The following ACOD1 variants were observed in gnomAD, a reference collection of about 807,000 sequenced individuals.
The protein encoded by ACOD1 is cis-aconitate decarboxylase.
A neutral mutation model predicts 14.2 loss-of-function variants in ACOD1; 14 were observed. The observed-to-expected ratio is 0.99, with a 90% CI of 0.65 to 1.54. The LOEUF (loss-of-function observed/expected upper bound fraction) is 1.54, where lower values mean the gene tolerates loss of function less well. ACOD1 is among the 40% of genes most tolerant of loss of function. The pLI, the probability that ACOD1 is intolerant of heterozygous loss-of-function variation, is 0.00. For synonymous variants in ACOD1, 182 were observed against 221.7 expected, an observed-to-expected ratio of 0.82 and a Z score of 1.59; for missense variants, 530 against 586.3, an observed-to-expected ratio of 0.90 and a Z score of 0.99.
At chr13:76,949,127 C>A (rs753301750) in intron 1 of ACOD1, among the ~76,000 whole-genome samples, 4 of 151,914 alleles carry the variant, frequency 2.6e-5, no homozygotes, top group Admixed American at 6.6e-5. Context: ...ATTAGCTGGG[C>A]GTGGTGGCAG....
chr13:76,953,772 T>C, intron 3 of ACOD1, 83 bp downstream of exon 3: 1 of 875,386 alleles, frequency 1.1e-6, no homozygotes, highest in East Asian at 2.7e-5. Context: ...ATTGCCCAAA[T>C]TCTATATTTT....
chr13:76,949,000 T>G (rs1187200745), intron 1 of ACOD1, among the ~76,000 whole-genome samples: 1 of 152,186 alleles, frequency 6.6e-6, no homozygotes, highest in Admixed American at 6.5e-5. Context: ...GCACAGTGGC[T>G]CAGGCCTGTA....
chr13:76,954,731 C>T (rs1041273562), intron 3 of ACOD1, among the ~76,000 whole-genome samples: 2 of 152,106 alleles, frequency 1.3e-5, no homozygotes, highest in African/African-American at 4.8e-5. Flanking sequence ...GCTCAGGCCA[C>T]CAGGGCAAGA....
At position 76,957,892 on chromosome 13, in the gene ACOD1, T is replaced by G; in HGVS notation, c.1353T>G (p.Cys451Trp). 1 of 1,550,924 alleles carries G rather than the reference T, an allele frequency of 6.4e-7. No individual in the cohort carries two copies. Among genetic ancestry groups the G allele is most frequent in the East Asian group, 2.4e-5 (1 of 40,922 alleles). ...IVKNLEDLED[C>W]SVLTTLLKGP... ...AAAATCTAGAAGACCTAGAAGACTGTTCTGTGTTAACTACACTTCTCAAAG... is the reference window on the plus strand; with the variant it reads ...AAAATCTAGAAGACCTAGAAGACTGGTCTGTGTTAACTACACTTCTCAAAG... The change falls in exon 5 of 5, where the codon TGT (cysteine) becomes TGG (tryptophan). Residue 451 changes from cysteine (C) to tryptophan (W), a missense_variant. Coordinates refer to ENST00000377462, the MANE Select transcript of ACOD1 (RefSeq NM_001258406.2).
chr13:76,957,884 G>C lies in ACOD1; in HGVS notation c.1345G>C (p.Glu449Gln). The C allele has an allele frequency of 6.4e-7, 1 of 1,550,986 alleles. No homozygotes were observed. Among genetic ancestry groups the C allele is most frequent in the Non-Finnish European group, 8.7e-7 (1 of 1,147,074 alleles). The change falls in exon 5 of 5, where the codon GAA becomes CAA. Residue 449 changes from glutamate (E) to glutamine (Q), a missense_variant. By Grantham distance (29) the Glu-to-Gln change is conservative (BLOSUM62 2). Coordinates refer to ENST00000377462, the MANE Select transcript of ACOD1 (RefSeq NM_001258406.2). ...IKIVKNLEDL[E>Q]DCSVLTTLLK... ...GATAGTCAAAAATCTAGAAGACCTA[G>C]AAGACTGTTCTGTGTTAACTACACT... is the stretch of plus-strand genomic sequence containing the variant.
chr13:76,958,154 A>G lies in ACOD1; in HGVS notation c.*169A>G. The G allele has an allele frequency of 1.7e-6, 1 of 596,724 alleles. No individual in the cohort carries two copies. Among genetic ancestry groups the G allele is most frequent in the Non-Finnish European group, 2.8e-6 (1 of 360,920 alleles). 37.0% of individuals were successfully genotyped at this position (596,724 alleles called of 1,614,324 possible). On this transcript the variant is annotated 3_prime_UTR_variant, in exon 5 of 5. Transcript: ENST00000377462. ...AGCCTTCTCCTGAAAATTTTGCAGGACAGTTCCACTTACCTAAATCAAGAT... is the reference window on the plus strand; with the variant it reads ...AGCCTTCTCCTGAAAATTTTGCAGGGCAGTTCCACTTACCTAAATCAAGAT...
At position 76,957,505 on chromosome 13, in the gene ACOD1, C is replaced by A. The variant is rs2033890401; in HGVS notation, c.966C>A (p.Pro322=). ...CAAATGTCCAGTATGTAAACAGGCC[C>A]TTTCCAGTTTCGGAGCATGAAGCCC... is the stretch of plus-strand genomic sequence containing the variant. ...RIPNVQYVNR[P]FPVSEHEARH... Residue 322 remains proline, a synonymous_variant, in exon 5 of 5, where the codon CCC becomes CCA. Transcript: ENST00000377462. 6.4e-7 allele frequency: 1 copy of A among 1,550,476 alleles called. No individual in the cohort carries two copies. Among genetic ancestry groups the A allele is most frequent in the Non-Finnish European group, 8.7e-7 (1 of 1,147,014 alleles).
rs2033892568 is a variant in ACOD1, at chr13:76,957,593, T to C, written c.1054T>C (p.Phe352Leu). The change falls in exon 5 of 5, where the codon TTC (phenylalanine) becomes CTC (leucine). Residue 352 changes from phenylalanine to leucine, a missense_variant. By Grantham distance (22) the Phe-to-Leu change is conservative. Transcript: ENST00000377462. ...LLDGGITVPS[F>L]HECQINRPQV... ...TGATGGTGGCATCACTGTCCCCTCA[T>C]TCCATGAATGCCAGATCAACAGGCC... 2.6e-6 allele frequency: 4 copies of C among 1,550,656 alleles called. No individual in the cohort carries two copies. The highest frequency in any genetic ancestry group is 3.5e-6 in the Non-Finnish European group (4 of 1,147,016).
chr13:76,957,841 A>T lies in ACOD1; in HGVS notation c.1302A>T (p.Thr434=), dbSNP rs1195106894. Residue 434 remains threonine (T), a synonymous_variant, in exon 5 of 5, where the codon ACA becomes ACT. Transcript: ENST00000377462. ...CCTCCAAGATGCTGTCCTGGGACAC[A>T]GTGGAAAGCCTTATAAAGATAGTCA... The part of the protein sequence containing the change: ...ANASKMLSWD[T]VESLIKIVKN... The T allele has an allele frequency of 6.4e-7, 1 of 1,551,032 alleles. No individual in the cohort carries two copies. Among genetic ancestry groups the T allele is most frequent in the South Asian group, 1.2e-5 (1 of 84,072 alleles).
intron 1 of ACOD1, among the ~76,000 whole-genome samples, chr13:76,951,512 G>A (rs189901118): frequency 1.5e-3 from 233 of 152,066 alleles, no homozygotes; most frequent in African/African-American, 5.1e-3. Context: ...CTGGGATTAC[G>A]GGCATGAGCC....
At position 76,957,490 on chromosome 13, in the gene ACOD1, G is replaced by A. The variant is rs977527016; in HGVS notation, c.951G>A (p.Gln317=). 2 of 1,550,622 alleles carry A rather than the reference G, an allele frequency of 1.3e-6. No individual in the cohort carries two copies. The highest frequency in any genetic ancestry group is 1.7e-6 in the Non-Finnish European group (2 of 1,146,992). Residue 317 remains glutamine, a synonymous_variant, in exon 5 of 5, where the codon CAG becomes CAA. Coordinates refer to ENST00000377462, the MANE Select transcript of ACOD1 (RefSeq NM_001258406.2). ...TTGTGCTCAGGATACCAAATGTCCAGTATGTAAACAGGCCCTTTCCAGTTT... is the reference window on the plus strand; with the variant it reads ...TTGTGCTCAGGATACCAAATGTCCAATATGTAAACAGGCCCTTTCCAGTTT... ...KRIVLRIPNV[Q]YVNRPFPVSE...
rs1184594845 is a variant in ACOD1 at position 76,952,647 on chromosome 13, C to T, written c.171C>T (p.Ser57=). ...TEVFHIASQY[S]KIYSSNISST... ...TGTTTCACATAGCCAGCCAATATAG[C>T]AAGGTAAGAAGCTCAAGGTCTACAT... The change falls in exon 2 of 5, where the codon AGC becomes AGT. Residue 57 remains serine (S), a synonymous_variant. Coordinates refer to ENST00000377462, the MANE Select transcript of ACOD1 (RefSeq NM_001258406.2). 1 of 1,549,722 alleles carries T rather than the reference C, an allele frequency of 6.5e-7. No individual in the cohort carries two copies. The highest frequency in any genetic ancestry group is 2.0e-5 in the Admixed American group (1 of 50,850).
At position 76,956,966 on chromosome 13, in the gene ACOD1, G is replaced by A. The variant is rs1342062629; in HGVS notation, c.471-44G>A. On this transcript the variant is annotated intron_variant, in intron 4 of 4. Transcript: ENST00000377462. ...TGACTACGCTATCCTGCCTCCTGGT[G>A]GTTACGGTTTGTACATCTCCAACTC... 2.7e-6 allele frequency: 4 copies of A among 1,505,862 alleles called. No individual in the cohort carries two copies. In the African/African-American group the frequency reaches 4.2e-5, roughly 16 times the overall value. The allele number at this position is 1,505,862 out of a possible 1,614,324, so 93.3% of individuals were successfully genotyped here. A position where few individuals can be genotyped will look rare whatever the true frequency, so the allele number is the denominator to read the frequency against.
intron 4 of ACOD1, among the ~76,000 whole-genome samples, 199 bp from the exon 5 acceptor site, chr13:76,956,811 C>T (rs924893429): frequency 1.3e-5 from 2 of 152,172 alleles, no homozygotes; most frequent in African/African-American, 4.8e-5. Flanking sequence ...CCACACCTCG[C>T]CTATCACCAT....
chr13:76,955,126 C>CAAAAAAAAAAAAAAA (rs34230053), intron 3 of ACOD1, among the ~76,000 whole-genome samples, 193 bp from the exon 4 acceptor site: 5 of 98,874 alleles, frequency 5.1e-5, no homozygotes, highest in African/African-American at 9.6e-5. Context: ...GACTCTGTCT[C>CAAAAAAAAAAAAAAA]AAAAAAAAAA....
intron 1 of ACOD1, among the ~76,000 whole-genome samples, chr13:76,950,545 C>T (rs1362016630): frequency 1.3e-5 from 2 of 152,198 alleles, no homozygotes; most frequent in Non-Finnish European, 2.9e-5. Context: ...GCAGAATGAG[C>T]TTCTCCAGTG....
chr13:76,950,657 C>T (rs1437862971), intron 1 of ACOD1, among the ~76,000 whole-genome samples: 1 of 152,180 alleles, frequency 6.6e-6, no homozygotes, highest in Non-Finnish European at 1.5e-5. Flanking sequence ...TGGCCAATGG[C>T]ACTGCCATTT....
At chr13:76,954,840 A>G (rs951060414) in intron 3 of ACOD1, among the ~76,000 whole-genome samples, 3 of 152,168 alleles carry the variant, frequency 2.0e-5, no homozygotes, top group Non-Finnish European at 4.4e-5. Flanking sequence ...ATTAATAATC[A>G]CAGCCAGGCC....
chr13:76,955,261 C>T, intron 3 of ACOD1, 58 bp from the exon 4 acceptor site: 1 of 1,347,704 alleles, frequency 7.4e-7, no homozygotes, highest in Non-Finnish European at 1.0e-6. Flanking sequence ...GGTCCAAAAG[C>T]CATTGCATTA....
Sources: allele counts gnomAD v4.1 joint callset (sites outside exome capture counted in the v4.1 genomes callset), GRCh38; gene constraint gnomAD v4.1.1; transcripts MANE v1.5; gene names NCBI Gene and HGNC (gene_info 2026-07-23, HGNC 2026-07-21).